Variants in MAP2K6 observed in about 807,000 individuals in gnomAD.
MAP2K6 encodes mitogen-activated protein kinase kinase 6.
In MAP2K6, 16 loss-of-function variants were observed where a neutral mutation model predicts 53.7. The observed-to-expected ratio is 0.30, with a 90% CI of 0.20 to 0.45. The LOEUF (loss-of-function observed/expected upper bound fraction) is 0.45, where lower values mean the gene tolerates loss of function less well. MAP2K6 is among the 20% of genes least tolerant of loss of function. MAP2K6 has a pLI of 1.00. For missense variants in MAP2K6, 204 were observed against 411.9 expected (o/e 0.50, Z 4.37); for synonymous variants, 132 against 143.1 (o/e 0.92, Z 0.55).
chr17:69,526,716 C>G lies in MAP2K6; in HGVS notation c.881+7C>G, dbSNP rs745969364. 4.3e-6 allele frequency: 7 copies of G among 1,610,676 alleles called. No homozygotes were observed. In the Admixed American group the frequency reaches 1.2e-4, roughly 27 times the overall value. On this transcript the variant is annotated splice_region_variant and intron_variant, in intron 10 of 11. Coordinates refer to ENST00000590474, the MANE Select transcript of MAP2K6 (RefSeq NM_002758.4). ...TTGACTTTACCTCACAGTGGTAAGACAGCCTCACCTCCCAAGTGTCAGTGT... is the reference window on the plus strand; with the variant it reads ...TTGACTTTACCTCACAGTGGTAAGAGAGCCTCACCTCCCAAGTGTCAGTGT...
rs1345700240 is a variant in MAP2K6, at chr17:69,494,557, A to G, written c.17-11223A>G. Among the ~76,000 whole-genome samples the G allele has an allele frequency of 1.3e-5, 2 of 152,128 alleles. No homozygotes were observed. Among genetic ancestry groups the G allele is most frequent in the African/African-American group, 4.8e-5 (2 of 41,426 alleles). On this transcript the variant is annotated intron_variant, in intron 1 of 11. Coordinates refer to ENST00000590474, the MANE Select transcript of MAP2K6 (RefSeq NM_002758.4). The surrounding 1 kb of genome is among the most constrained non-coding windows in gnomAD (Gnocchi z 4.2). Reference sequence around the variant, plus strand: ...GGAGAGCCCCTGGATTAAAAGGGAAATAAGACCCTGTACTGATAGCATTCT... The same window carrying G: ...GGAGAGCCCCTGGATTAAAAGGGAAGTAAGACCCTGTACTGATAGCATTCT...
chr17:69,436,608 T>A (rs1167471691), intron 1 of MAP2K6, among the ~76,000 whole-genome samples: 1 of 152,132 alleles, frequency 6.6e-6, no homozygotes, highest in East Asian at 1.9e-4. Flanking sequence ...TGGACTAAGT[T>A]GGTTTTTGCT....
intron 1 of MAP2K6, among the ~76,000 whole-genome samples, chr17:69,504,971 A>G (rs1251632885): frequency 6.6e-6 from 1 of 152,134 alleles, no homozygotes; most frequent in Non-Finnish European, 1.5e-5. Flanking sequence ...AACAGTGGAA[A>G]AGCATTTTTT....
At chr17:69,505,887 C>A (rs1909444724) in intron 2 of MAP2K6, 41 bp downstream of exon 2, 1 of 1,551,974 alleles carries the variant, frequency 6.4e-7, no homozygotes, top group Non-Finnish European at 8.9e-7. Context: ...AATCCTTGTG[C>A]TTTCAGATTC....
At position 69,514,063 on chromosome 17, in the gene MAP2K6, C is replaced by T. The variant is rs566848305; in HGVS notation, c.84-2792C>T. ...GGCAGAGGTTGCAGTGAGCCGAGAT[C>T]GTGCCACTGCACTCCAGCCTGGGCG... is the stretch of plus-strand genomic sequence containing the variant. On this transcript the variant is annotated intron_variant, in intron 2 of 11. Transcript: ENST00000590474. Among the ~76,000 whole-genome samples, 56 of 150,374 alleles carry T rather than the reference C, an allele frequency of 3.7e-4. 1 individual carries two copies. Among genetic ancestry groups the T allele is most frequent in the Non-Finnish European group, 6.9e-4 (47 of 67,876 alleles).
chr17:69,526,860 G>GT, intron 10 of MAP2K6, 151 bp downstream of exon 10: 2 of 929,932 alleles, frequency 2.2e-6, no homozygotes, highest in Non-Finnish European at 1.6e-6. Flanking sequence ...AAAGATGACC[G>GT]TATCACACTC....
At chr17:69,536,275 T>G (rs932165389) in intron 11 of MAP2K6, 115 bp downstream of exon 11, 4 of 754,768 alleles carry the variant, frequency 5.3e-6, no homozygotes, top group Non-Finnish European at 9.2e-6. Context: ...CATTGATACA[T>G]CAGTGACAGG....
At chr17:69,498,208 T>C (rs1335284356) in intron 1 of MAP2K6, among the ~76,000 whole-genome samples, 1 of 152,152 alleles carries the variant, frequency 6.6e-6, no homozygotes, top group African/African-American at 2.4e-5. Context: ...CAGAAAGAAC[T>C]GGTGGGTTGT....
rs557461445 is a variant in MAP2K6 at position 69,479,719 on chromosome 17, C to CT, written c.17-26045dup. ...CAGGAAATGTACTTTTCCTTTTGTT[C>CT]TTTTTTTTTTTTTTTTGAGATGGAG... On this transcript the variant is annotated intron_variant, in intron 1 of 11. Coordinates refer to ENST00000590474, the MANE Select transcript of MAP2K6 (RefSeq NM_002758.4). Among the ~76,000 whole-genome samples, 646 of 137,200 alleles carry CT rather than the reference C, an allele frequency of 4.7e-3. 2 individuals carry two copies. The highest frequency in any genetic ancestry group is 9.3e-3 in the Admixed American group (126 of 13,552). The allele number at this position is 137,200 out of a possible 152,430, so 90.0% of individuals were successfully genotyped here.
intron 2 of MAP2K6, among the ~76,000 whole-genome samples, chr17:69,510,034 G>A (rs867348592): frequency 2.0e-5 from 3 of 151,958 alleles, no homozygotes; most frequent in Admixed American, 6.6e-5. Context: ...TTGTAGAGAC[G>A]GGGTTTTGCC....
chr17:69,534,032 TAG>T (rs1911229257), intron 10 of MAP2K6, among the ~76,000 whole-genome samples: 2 of 152,200 alleles, frequency 1.3e-5, no homozygotes, highest in South Asian at 2.1e-4. Flanking sequence ...CATTTTGGGC[TAG>T]AGTGTTCTTT....
At chr17:69,514,878 T>A (rs1046340189) in intron 2 of MAP2K6, among the ~76,000 whole-genome samples, 9 of 152,162 alleles carry the variant, frequency 5.9e-5, no homozygotes, top group Admixed American at 1.3e-4. Context: ...TCCTACTTTT[T>A]AATTTTATTT....
At chr17:69,428,436 C>T (rs973271693) in intron 1 of MAP2K6, among the ~76,000 whole-genome samples, 25 of 152,214 alleles carry the variant, frequency 1.6e-4, no homozygotes, top group African/African-American at 6.0e-4. Flanking sequence ...CCAAATTTCC[C>T]CTTTTTATAA....
intron 1 of MAP2K6, among the ~76,000 whole-genome samples, chr17:69,449,559 TTA>T (rs1298425993): frequency 3.3e-3 from 277 of 84,726 alleles, no homozygotes; most frequent in African/African-American, 0.016. Flanking sequence ...CTTTCTTTCT[TTA>T]TTTCTTTCTT....
Position 69,535,240 on chromosome 17 carries a change from A to T in MAP2K6, c.882-875A>T, listed in dbSNP as rs530139873. Among the ~76,000 whole-genome samples the T allele has an allele frequency of 2.4e-3, 360 of 152,238 alleles. 4 individuals carry two copies. The highest frequency in any genetic ancestry group is 8.4e-3 in the African/African-American group (347 of 41,542). On this transcript the variant is annotated intron_variant, in intron 10 of 11. Coordinates refer to ENST00000590474, the MANE Select transcript of MAP2K6 (RefSeq NM_002758.4). ...TGTCACTGAGTGCGCTCTCTCTTTT[A>T]TCAGCTGTCATAAACAGGTCTTATT...
rs1449388819 is a variant in MAP2K6, at chr17:69,494,376, T to C, written c.17-11404T>C. On this transcript the variant is annotated intron_variant, in intron 1 of 11. Transcript: ENST00000590474. The surrounding 1 kb of genome is among the most constrained non-coding windows in gnomAD (Gnocchi z 4.2). The stretch of plus-strand genomic sequence containing the variant: ...AGCTGGGCATGGTGGCACATGCCTG[T>C]AATCTCAGCTACTTGGGAGGCTGGG... Among the ~76,000 whole-genome samples, 4 of 152,082 alleles carry C rather than the reference T, an allele frequency of 2.6e-5. No homozygotes were observed. Among genetic ancestry groups the C allele is most frequent in the African/African-American group, 9.7e-5 (4 of 41,404 alleles).
intron 1 of MAP2K6, among the ~76,000 whole-genome samples, chr17:69,455,483 T>C (rs948200295): frequency 6.6e-6 from 1 of 152,184 alleles, no homozygotes; most frequent in Non-Finnish European, 1.5e-5. Flanking sequence ...GTCTCATTAT[T>C]TTTAATCAGG....
chr17:69,533,878 G>T (rs1470969092), intron 10 of MAP2K6, among the ~76,000 whole-genome samples: 1 of 152,102 alleles, frequency 6.6e-6, no homozygotes, highest in Non-Finnish European at 1.5e-5. Flanking sequence ...TTGAGGGCAG[G>T]AGACGGTCGT....
chr17:69,514,823 A>G (rs1421067994), intron 2 of MAP2K6, among the ~76,000 whole-genome samples: 2 of 152,146 alleles, frequency 1.3e-5, no homozygotes, highest in Non-Finnish European at 1.5e-5. Context: ...CAGCCTCCCA[A>G]AGTGCTGGGA....
Sources: allele counts gnomAD v4.1 joint callset (sites outside exome capture counted in the v4.1 genomes callset), GRCh38; gene constraint gnomAD v4.1.1; non-coding constraint Gnocchi (gnomAD v3.1); transcripts MANE v1.5; gene names NCBI Gene and HGNC (gene_info 2026-07-23, HGNC 2026-07-21).